SSBP2: variants seen among roughly 807,000 people sequenced by gnomAD.
SSBP2 encodes single-stranded DNA-binding protein 2.
SSBP2 carries 17 observed loss-of-function variants against 61.8 expected under a neutral mutation model. The observed-to-expected ratio is 0.28, with a 90% CI of 0.19 to 0.41. SSBP2 has a LOEUF of 0.41. SSBP2 is among the 10% of genes least tolerant of loss of function. SSBP2 has a pLI of 1.00. For synonymous variants in SSBP2, 139 were observed against 141.3 expected (o/e 0.98, Z 0.12); for missense variants, 310 against 458.7 (o/e 0.68, Z 2.96).
chr5:81,473,752 C>A lies in SSBP2; in HGVS notation c.518G>T (p.Gly173Val). The A allele has an allele frequency of 6.2e-7, 1 of 1,613,800 alleles. No homozygotes were observed. Among genetic ancestry groups the A allele is most frequent in the Non-Finnish European group, 8.5e-7 (1 of 1,179,864 alleles). Residue 173 changes from glycine to valine, a missense_variant, in exon 8 of 17, where the codon GGG becomes GTG. Transcript: ENST00000320672. Reference sequence around the variant, plus strand: ...TGGAGGAGTCATTCTCTGCATTGGCCCACCCATATTTGGATGTCCTAAAAA... The same window carrying A: ...TGGAGGAGTCATTCTCTGCATTGGCACACCCATATTTGGATGTCCTAAAAA...
chr5:81,544,671 A>G (rs929684281), intron 4 of SSBP2, among the ~76,000 whole-genome samples: 26 of 152,276 alleles, frequency 1.7e-4, no homozygotes, highest in African/African-American at 2.9e-4. Context: ...TTCAAAGGGG[A>G]AAAAAACAGA....
chr5:81,453,471 T>C lies in SSBP2; in HGVS notation c.688-4646A>G, dbSNP rs1264869277. On this transcript the variant is annotated intron_variant, in intron 10 of 16. Coordinates refer to ENST00000320672, the MANE Select transcript of SSBP2 (RefSeq NM_012446.5). The stretch of plus-strand genomic sequence containing the variant: ...TGGGTTTATTCTTTTTTTTTTTTTT[T>C]TTTTTGAGACGGAGTCTTGCCGTCG... Among the ~76,000 whole-genome samples, 86 of 150,018 alleles carry C rather than the reference T, an allele frequency of 5.7e-4. 1 individual carries two copies. The highest frequency in any genetic ancestry group is 3.4e-3 in the Middle Eastern group (1 of 290).
chr5:81,650,221 A>G (rs1561652815), intron 2 of SSBP2, 46 bp downstream of exon 2: 1 of 1,320,252 alleles, frequency 7.6e-7, no homozygotes, highest in African/African-American at 1.5e-5. Flanking sequence ...TTTTCCATTC[A>G]TTTATATAAG....
intron 1 of SSBP2, 134 bp from the exon 2 acceptor site, chr5:81,650,473 A>C (rs1450489403): frequency 4.2e-6 from 2 of 480,038 alleles, no homozygotes; most frequent in East Asian, 7.1e-5. Context: ...ATACTATTTC[A>C]ATAGGAATTA....
At chr5:81,592,005 C>A (rs953126149) in intron 4 of SSBP2, among the ~76,000 whole-genome samples, 3 of 152,202 alleles carry the variant, frequency 2.0e-5, no homozygotes, top group Non-Finnish European at 4.4e-5. Flanking sequence ...GTGGGTGCAG[C>A]GCACTGTGCG....
intron 4 of SSBP2, among the ~76,000 whole-genome samples, chr5:81,609,440 T>C (rs76507049): frequency 7.9e-5 from 12 of 152,374 alleles, no homozygotes; most frequent in East Asian, 1.9e-4. Context: ...ATTACACTCA[T>C]AGCAGTTAAC....
chr5:81,658,062 C>T (rs1335359757), intron 1 of SSBP2, among the ~76,000 whole-genome samples: 2 of 152,032 alleles, frequency 1.3e-5, no homozygotes, highest in Non-Finnish European at 2.9e-5. Flanking sequence ...GTGGTGAGAA[C>T]ACTTAAAATC....
chr5:81,455,097 T>C (rs868148406), intron 10 of SSBP2, among the ~76,000 whole-genome samples: 6 of 152,118 alleles, frequency 3.9e-5, no homozygotes, highest in African/African-American at 9.7e-5. Context: ...AGTATAAGGA[T>C]AGAAATACGC....
chr5:81,733,823 T>C (rs1156502319), intron 1 of SSBP2, among the ~76,000 whole-genome samples: 1 of 152,214 alleles, frequency 6.6e-6, no homozygotes, highest in East Asian at 1.9e-4. Context: ...TCCCTAGTTT[T>C]GTCTGAATAG....
chr5:81,690,892 A>G (rs1000867385), intron 1 of SSBP2, among the ~76,000 whole-genome samples: 16 of 152,268 alleles, frequency 1.1e-4, no homozygotes, highest in Non-Finnish European at 7.4e-5. Flanking sequence ...ATGAAATAAA[A>G]CCAGAACTCG....
At chr5:81,434,500 A>G (rs1042369704) in intron 15 of SSBP2, among the ~76,000 whole-genome samples, 1 of 151,926 alleles carries the variant, frequency 6.6e-6, no homozygotes, top group Admixed American at 6.6e-5. Flanking sequence ...CTACAGGCAC[A>G]TGCCTGTAAT....
chr5:81,609,638 G>A (rs1581159094), intron 4 of SSBP2, among the ~76,000 whole-genome samples: 1 of 152,098 alleles, frequency 6.6e-6, no homozygotes, highest in South Asian at 2.1e-4. Context: ...CCACCTCCAA[G>A]CCAAAGACAG....
intron 1 of SSBP2, among the ~76,000 whole-genome samples, chr5:81,689,932 A>C (rs1753084228): frequency 6.6e-6 from 1 of 152,130 alleles, no homozygotes; most frequent in Non-Finnish European, 1.5e-5. Flanking sequence ...ATATAAATAG[A>C]AACAAAAAAT....
intron 8 of SSBP2, among the ~76,000 whole-genome samples, chr5:81,473,251 T>C (rs1342027386): frequency 1.3e-5 from 2 of 152,210 alleles, no homozygotes; most frequent in Admixed American, 6.5e-5. Context: ...ATTCATTTAT[T>C]TATTTTACTT....
intron 6 of SSBP2, among the ~76,000 whole-genome samples, chr5:81,481,619 T>TAAAA (rs34578727): frequency 8.3e-6 from 1 of 121,058 alleles, no homozygotes; most frequent in African/African-American, 3.0e-5. Context: ...AAACTACATC[T>TAAAA]AAAAAAAAAA....
At chr5:81,701,004 G>A (rs1753943720) in intron 1 of SSBP2, among the ~76,000 whole-genome samples, 1 of 152,166 alleles carries the variant, frequency 6.6e-6, no homozygotes, top group Admixed American at 6.5e-5. Flanking sequence ...CCTTTAGGAA[G>A]CTTTTCTTTG....
intron 3 of SSBP2, among the ~76,000 whole-genome samples, chr5:81,620,071 C>G (rs1746422569): frequency 1.1e-5 from 1 of 94,756 alleles, no homozygotes; most frequent in Admixed American, 1.2e-4. Context: ...TCTCACCGCT[C>G]CTATTCAACA....
chr5:81,503,947 A>G (rs1327034127), intron 5 of SSBP2, among the ~76,000 whole-genome samples: 3 of 152,154 alleles, frequency 2.0e-5, no homozygotes, highest in African/African-American at 7.2e-5. Context: ...GAACTCATGG[A>G]CCCAAAGAGG....
chr5:81,470,607 T>A (rs1227265974), intron 8 of SSBP2, among the ~76,000 whole-genome samples: 1 of 151,970 alleles, frequency 6.6e-6, no homozygotes, highest in Non-Finnish European at 1.5e-5. Flanking sequence ...TTCTAATAGA[T>A]AACTACTGTC....
Sources: gnomAD v4.1 joint callset for allele counts (sites outside exome capture counted in the v4.1 genomes callset) on GRCh38, gnomAD v4.1.1 for gene constraint, MANE v1.5 for transcripts, NCBI Gene and HGNC (gene_info 2026-07-23, HGNC 2026-07-21) for gene names.